The following LY75 variants were observed in gnomAD, a reference collection of about 807,000 sequenced individuals.
LY75 encodes lymphocyte antigen 75.
A neutral mutation model predicts 231.7 loss-of-function variants in LY75; 185 were observed. The observed-to-expected ratio is 0.80, with a 90% CI of 0.71 to 0.90. LY75 has a LOEUF of 0.90. LY75 is among the 40% of genes least tolerant of loss of function. The pLI, the probability that LY75 is intolerant of heterozygous loss-of-function variation, is 0.00. For missense variants in LY75, 1,947 were observed against 2,050.2 expected (o/e 0.95, Z 0.97); for synonymous variants, 668 against 689.0 (o/e 0.97, Z 0.48).
At chr2:159,819,251 T>C (rs1683213265) in intron 29 of LY75, among the ~76,000 whole-genome samples, 1 of 152,174 alleles carries the variant, frequency 6.6e-6, no homozygotes. Flanking sequence ...CTAACATATA[T>C]TTAAAAATAG....
intron 21 of LY75, 92 bp downstream of exon 21, chr2:159,852,109 A>T (rs752907322): frequency 1.8e-4 from 266 of 1,510,578 alleles, no homozygotes; most frequent in Non-Finnish European, 2.3e-4. Flanking sequence ...TATTTCAGTG[A>T]TGTTGTCACT....
intron 13 of LY75, among the ~76,000 whole-genome samples, chr2:159,868,126 A>C (rs1020809827): frequency 2.8e-4 from 43 of 152,180 alleles, no homozygotes; most frequent in African/African-American, 9.2e-4. Context: ...TGGTTTTAGA[A>C]TATGTTCTCT....
intron 14 of LY75, among the ~76,000 whole-genome samples, chr2:159,863,014 CTT>C (rs542539715): frequency 2.6e-4 from 37 of 142,180 alleles, no homozygotes; most frequent in South Asian, 4.5e-4. Flanking sequence ...CTATGAGATC[CTT>C]TTTTTTTTTT....
At chr2:159,874,293 T>TAAATATATATAAATATA (rs1685134503) in intron 12 of LY75, among the ~76,000 whole-genome samples, 1 of 111,442 alleles carries the variant, frequency 9.0e-6, no homozygotes, top group Admixed American at 9.4e-5. Flanking sequence ...TAAATATATG[T>TAAATATATATAAATATA]TTTGTAAATA....
At chr2:159,899,953 G>A (rs1184235622) in intron 1 of LY75, among the ~76,000 whole-genome samples, 4 of 152,202 alleles carry the variant, frequency 2.6e-5, no homozygotes, top group Admixed American at 6.5e-5. Context: ...TCAGGAAGGC[G>A]ACAGGGCCTG....
chr2:159,840,588 A>G, intron 25 of LY75, 141 bp downstream of exon 25: 1 of 1,325,142 alleles, frequency 7.5e-7, no homozygotes, highest in Non-Finnish European at 1.0e-6. Flanking sequence ...AAATTTAAAA[A>G]CCCCGACATA....
At chr2:159,870,107 C>A (rs1325637083) in intron 13 of LY75, among the ~76,000 whole-genome samples, 3 of 152,172 alleles carry the variant, frequency 2.0e-5, no homozygotes, top group African/African-American at 7.2e-5. Flanking sequence ...TCCCAGTACA[C>A]TGTAGTGAAA....
intron 23 of LY75, among the ~76,000 whole-genome samples, chr2:159,842,972 C>T (rs766847890): frequency 3.3e-5 from 5 of 151,264 alleles, no homozygotes; most frequent in African/African-American, 9.7e-5. Flanking sequence ...AAAAATGCTA[C>T]TCAATAAATA....
chr2:159,851,453 G>A (rs1684399669), intron 21 of LY75, among the ~76,000 whole-genome samples: 1 of 152,138 alleles, frequency 6.6e-6, no homozygotes, highest in Non-Finnish European at 1.5e-5. Flanking sequence ...ACCCTAGAGA[G>A]AACACCCTGA....
At chr2:159,894,802 C>T (rs907461084) in intron 2 of LY75, among the ~76,000 whole-genome samples, 1 of 152,128 alleles carries the variant, frequency 6.6e-6, no homozygotes, top group African/African-American at 2.4e-5. Context: ...CAATCATTTT[C>T]CCTGGTACAT....
chr2:159,840,672 C>T, intron 25 of LY75, 57 bp downstream of exon 25: 2 of 1,609,958 alleles, frequency 1.2e-6, no homozygotes, highest in Non-Finnish European at 8.5e-7. Flanking sequence ...AAGCTATGCA[C>T]AATAAAAAAT....
chr2:159,807,936 G>C, intron 33 of LY75: 1 of 978,764 alleles, frequency 1.0e-6, no homozygotes, highest in Non-Finnish European at 1.2e-6. Flanking sequence ...GGCAAAAGCT[G>C]CAATTACTTT....
At chr2:159,875,733 G>A (rs1685247378) in intron 11 of LY75, 90 bp from the exon 12 acceptor site, 3 of 1,495,664 alleles carry the variant, frequency 2.0e-6, no homozygotes, top group African/African-American at 2.8e-5. Flanking sequence ...CAGCCAAGTT[G>A]GGGAGAGAGA....
intron 25 of LY75, among the ~76,000 whole-genome samples, chr2:159,838,932 G>C (rs2729713): frequency 6.6e-6 from 1 of 151,986 alleles, no homozygotes; most frequent in Non-Finnish European, 1.5e-5. Context: ...AGTAGCTGGG[G>C]TTACAGACGC....
At chr2:159,872,709 T>C (rs1685054205) in intron 12 of LY75, 116 bp from the exon 13 acceptor site, 1 of 1,194,194 alleles carries the variant, frequency 8.4e-7, no homozygotes, top group Admixed American at 2.4e-5. Flanking sequence ...AAAGGTGTAG[T>C]GAAGGCATAG....
chr2:159,904,569 G>A lies in LY75; in HGVS notation c.94+20C>T. ...GTCGAGGCACCCAGCGGACTGCGGG[G>A]CTGGCGTGCCCGCGGTTACCTGCGC... On this transcript the variant is annotated intron_variant, in intron 1 of 34. Transcript: ENST00000263636. 2 of 1,506,396 alleles carry A rather than the reference G, an allele frequency of 1.3e-6. No individual in the cohort carries two copies. The highest frequency in any genetic ancestry group is 1.8e-6 in the Non-Finnish European group (2 of 1,130,956). 93.3% of individuals were successfully genotyped at this position (1,506,396 alleles called of 1,614,324 possible).
intron 7 of LY75, 84 bp downstream of exon 7, chr2:159,882,040 C>A (rs879404548): frequency 1.0e-5 from 15 of 1,481,670 alleles, no homozygotes; most frequent in Admixed American, 6.6e-5. Flanking sequence ...AAACTGTAAG[C>A]TTTTCATTCC....
intron 23 of LY75, among the ~76,000 whole-genome samples, chr2:159,846,610 C>T (rs1477345012): frequency 6.6e-6 from 1 of 152,026 alleles, no homozygotes; most frequent in South Asian, 2.1e-4. Context: ...ACATGATGGA[C>T]TTTCTAACCT....
Position 159,815,404 on chromosome 2 carries a change from C to T in LY75, c.4549+1G>A, listed in dbSNP as rs773299840. 138 of 1,586,934 alleles carry T rather than the reference C, an allele frequency of 8.7e-5. No homozygotes were observed. The Admixed American group carries it at 1.3e-3, about 15-fold the overall frequency. On this transcript the variant is annotated splice_donor_variant, in intron 31 of 34. Coordinates refer to ENST00000263636, the MANE Select transcript of LY75 (RefSeq NM_002349.4). LOFTEE classifies it high-confidence loss of function. The stretch of plus-strand genomic sequence containing the variant: ...TACTGTTACTGAAATTGAAGTCTTA[C>T]ATTTTGTAGGTTTATAACAAATAGC...
Sources: gnomAD v4.1 joint callset for allele counts (sites outside exome capture counted in the v4.1 genomes callset) on GRCh38, gnomAD v4.1.1 for gene constraint, MANE v1.5 for transcripts, NCBI Gene and HGNC (gene_info 2026-07-23, HGNC 2026-07-21) for gene names.